The following SPAG9 variants were observed in gnomAD, a reference collection of about 807,000 sequenced individuals.
The protein encoded by SPAG9 is C-Jun-amino-terminal kinase-interacting protein 4.
A neutral mutation model predicts 166.5 loss-of-function variants in SPAG9; 35 were observed. The ratio of observed to expected loss-of-function variants is 0.21; its 90% CI spans 0.16 to 0.28. SPAG9 has a LOEUF of 0.28. Among genes scored for constraint, SPAG9 ranks in the 10% least tolerant of loss-of-function variants. SPAG9 has a pLI of 1.00. For missense variants in SPAG9, 1,235 were observed against 1,603.3 expected, an observed-to-expected ratio of 0.77 and a Z score of 3.92; for synonymous variants, 534 against 565.5, an observed-to-expected ratio of 0.94 and a Z score of 0.79.
At chr17:51,022,498 A>C (rs749090527) in intron 6 of SPAG9, among the ~76,000 whole-genome samples, 50 of 152,280 alleles carry the variant, frequency 3.3e-4, no homozygotes, top group Non-Finnish European at 5.9e-4. Flanking sequence ...CTTTTATCAG[A>C]TATTCAAAGG....
At chr17:51,034,033 T>A (rs550386857) in intron 5 of SPAG9, among the ~76,000 whole-genome samples, 2 of 152,346 alleles carry the variant, frequency 1.3e-5, no homozygotes, top group African/African-American at 4.8e-5. Flanking sequence ...ATAGAATCTT[T>A]ACCCTTTTTT....
chr17:50,980,118 A>G (rs551944150), intron 25 of SPAG9, among the ~76,000 whole-genome samples: 1 of 152,358 alleles, frequency 6.6e-6, no homozygotes, highest in Non-Finnish European at 1.5e-5. Context: ...ATTGGACTTC[A>G]GCACTATATA....
chr17:51,033,110 C>T (rs2046447792), intron 5 of SPAG9, among the ~76,000 whole-genome samples: 1 of 150,100 alleles, frequency 6.7e-6, no homozygotes, highest in Admixed American at 6.7e-5. Context: ...CATTGTGAAA[C>T]AATCACCACA....
At chr17:51,028,753 T>C (rs1314186973) in intron 6 of SPAG9, among the ~76,000 whole-genome samples, 1 of 152,206 alleles carries the variant, frequency 6.6e-6, no homozygotes, top group African/African-American at 2.4e-5. Flanking sequence ...TTGAAAAGCA[T>C]TTATTATGAA....
chr17:51,024,652 G>A (rs1275374648), intron 6 of SPAG9, among the ~76,000 whole-genome samples: 1 of 149,350 alleles, frequency 6.7e-6, no homozygotes, highest in Non-Finnish European at 1.5e-5. Context: ...GGCAAAGGTT[G>A]CAGTAAGCTG....
chr17:51,000,076 T>C (rs1356352644), intron 13 of SPAG9, among the ~76,000 whole-genome samples: 6 of 152,208 alleles, frequency 3.9e-5, no homozygotes, highest in Admixed American at 2.6e-4. Flanking sequence ...TTCCCATCTT[T>C]ACATAAAAGT....
chr17:51,035,840 C>T (rs1568025719), intron 5 of SPAG9, among the ~76,000 whole-genome samples: 1 of 152,192 alleles, frequency 6.6e-6, no homozygotes, highest in Non-Finnish European at 1.5e-5. Context: ...ACCAAGGATG[C>T]TCTTCAAAGA....
At chr17:51,105,640 T>TG (rs1245054049) in intron 1 of SPAG9, among the ~76,000 whole-genome samples, 1 of 150,244 alleles carries the variant, frequency 6.7e-6, no homozygotes, top group African/African-American at 2.5e-5. Context: ...GGAGGCGAGG[T>TG]GGGCAGATCA....
chr17:51,064,371 G>T (rs1478382241), intron 2 of SPAG9, among the ~76,000 whole-genome samples: 1 of 152,154 alleles, frequency 6.6e-6, no homozygotes, highest in Non-Finnish European at 1.5e-5. Context: ...CAAAGTGGTT[G>T]TTCATTATAC....
intron 1 of SPAG9, among the ~76,000 whole-genome samples, chr17:51,091,276 A>AC (rs2048457756): frequency 6.7e-6 from 1 of 149,906 alleles, no homozygotes; most frequent in Non-Finnish European, 1.5e-5. Context: ...CTGTATACAA[A>AC]AAAAAAAAAA....
chr17:51,110,419 G>C (rs974942774), intron 1 of SPAG9, among the ~76,000 whole-genome samples: 6 of 151,634 alleles, frequency 4.0e-5, no homozygotes, highest in Non-Finnish European at 7.4e-5. Context: ...AGCTGGACGT[G>C]GTGGCTCACG....
chr17:50,999,751 T>A (rs2044847768), intron 13 of SPAG9, 34 bp from the exon 14 acceptor site: 1 of 1,573,734 alleles, frequency 6.4e-7, no homozygotes, highest in African/African-American at 1.4e-5. Context: ...GAAACATTTA[T>A]CAGTGAGGTA....
At chr17:51,041,672 A>G in intron 4 of SPAG9, 21 bp from the exon 5 acceptor site, 1 of 1,608,602 alleles carries the variant, frequency 6.2e-7, no homozygotes, top group Non-Finnish European at 8.5e-7. Flanking sequence ...AGGGGAGAAA[A>G]AATTCGGCAT....
chr17:51,108,115 G>T (rs535372207), intron 1 of SPAG9, among the ~76,000 whole-genome samples: 23 of 151,506 alleles, frequency 1.5e-4, no homozygotes, highest in Non-Finnish European at 3.1e-4. Context: ...GCCATGGGGC[G>T]GTGGCTGGTG....
chr17:51,068,471 T>G (rs2047733858), intron 2 of SPAG9, among the ~76,000 whole-genome samples: 1 of 152,346 alleles, frequency 6.6e-6, no homozygotes, highest in Admixed American at 6.5e-5. Flanking sequence ...GACAGTTCCC[T>G]GTCTTGAAGA....
chr17:51,069,661 T>C (rs1055525658), intron 2 of SPAG9, among the ~76,000 whole-genome samples: 7 of 152,266 alleles, frequency 4.6e-5, no homozygotes, highest in African/African-American at 1.7e-4. Flanking sequence ...TGTTAATATC[T>C]CCCCCAACTT....
Position 51,000,499 on chromosome 17 carries a change from C to T in SPAG9, c.1608-782G>A, listed in dbSNP as rs542956189. Among the ~76,000 whole-genome samples the T allele has an allele frequency of 3.9e-4, 59 of 152,110 alleles. 1 individual carries two copies. The Middle Eastern group carries it at 0.014, about 35-fold the overall frequency. On this transcript the variant is annotated intron_variant, in intron 13 of 29. Coordinates refer to ENST00000262013, the MANE Select transcript of SPAG9 (RefSeq NM_001130528.3). ...CTGTAATCCCAGCACTTTGGGAGGCCGAGGCGGGCGGATCACTTGAGGTCA... is the reference window on the plus strand; with the variant it reads ...CTGTAATCCCAGCACTTTGGGAGGCTGAGGCGGGCGGATCACTTGAGGTCA...
intron 8 of SPAG9, among the ~76,000 whole-genome samples, chr17:51,015,229 G>A (rs1363712706): frequency 6.6e-6 from 1 of 152,116 alleles, no homozygotes; most frequent in African/African-American, 2.4e-5. Flanking sequence ...TGGGGTTTAG[G>A]GAGGAGGTCA....
At chr17:51,003,059 C>A (rs187861083) in intron 12 of SPAG9, among the ~76,000 whole-genome samples, 1 of 150,266 alleles carries the variant, frequency 6.7e-6, no homozygotes, top group Non-Finnish European at 1.5e-5. Context: ...CATAGTGAGA[C>A]CCTGGCTCTA....
Sources: gnomAD v4.1 joint callset for allele counts (sites outside exome capture counted in the v4.1 genomes callset) on GRCh38, gnomAD v4.1.1 for gene constraint, MANE v1.5 for transcripts, NCBI Gene and HGNC (gene_info 2026-07-23, HGNC 2026-07-21) for gene names.